The following FMN2 variants were observed in gnomAD, a reference collection of about 807,000 sequenced individuals.
The protein encoded by FMN2 is formin 2.
FMN2 carries 51 observed loss-of-function variants against 142.3 expected under a neutral mutation model. The ratio of observed to expected loss-of-function variants is 0.36; its 90% CI spans 0.29 to 0.45. The LOEUF (loss-of-function observed/expected upper bound fraction) is 0.45. Ranked by LOEUF, FMN2 falls within the 20% of genes least tolerant of loss-of-function variation. FMN2 has a pLI of 1.00. For missense variants in FMN2, 1,936 were observed against 2,122.8 expected (o/e 0.91, Z 1.73); for synonymous variants, 882 against 869.8 (o/e 1.01, Z -0.25).
At chr1:240,259,127 G>C (rs1392156142) in intron 7 of FMN2, among the ~76,000 whole-genome samples, 2 of 152,230 alleles carry the variant, frequency 1.3e-5, no homozygotes, top group African/African-American at 4.8e-5. Context: ...TGGGGTAATA[G>C]TCATAGAAGA....
rs190390417 is a variant in FMN2, at chr1:240,243,722, A to G, written c.4066-14223A>G. 5.9e-5 allele frequency among the ~76,000 whole-genome samples: 9 copies of G among 152,346 alleles called. No individual in the cohort carries two copies. In the East Asian group the frequency reaches 1.7e-3, roughly 29 times the overall value. ...GTATTCTACAGGTAGGAAAATTTAG[A>G]TCTTGAGGCCAAGGAGCTTGTCCAA... On this transcript the variant is annotated intron_variant, in intron 6 of 17. Transcript: ENST00000319653.
chr1:240,142,898 C>T lies in FMN2; in HGVS notation c.1782+19553C>T, dbSNP rs541090697. On this transcript the variant is annotated intron_variant, in intron 2 of 17. Coordinates refer to ENST00000319653, the MANE Select transcript of FMN2 (RefSeq NM_020066.5). ...GCAATGGCCTCAGCTCCTCATCAAA[C>T]GTAACCAGCATTCGGGGCCGCATGG... 90 of 1,605,510 alleles carry T rather than the reference C, an allele frequency of 5.6e-5. 1 individual carries two copies. In the Middle Eastern group the frequency reaches 8.2e-4, roughly 15 times the overall value.
chr1:240,116,827 T>G (rs1571942827), intron 1 of FMN2, among the ~76,000 whole-genome samples: 1 of 151,906 alleles, frequency 6.6e-6, no homozygotes, highest in Non-Finnish European at 1.5e-5. Context: ...ATCATGGGCA[T>G]GGAAATCAAA....
intron 4 of FMN2, among the ~76,000 whole-genome samples, chr1:240,205,557 G>C (rs972069099): frequency 6.1e-5 from 9 of 148,536 alleles, no homozygotes; most frequent in African/African-American, 2.3e-4. Flanking sequence ...CGCCTCCCAG[G>C]TTCATGCCAT....
chr1:240,110,514 T>G (rs908090497), intron 1 of FMN2, among the ~76,000 whole-genome samples: 2 of 152,220 alleles, frequency 1.3e-5, no homozygotes, highest in Non-Finnish European at 2.9e-5. Flanking sequence ...TTGCAACATT[T>G]GTTCTGATGG....
intron 2 of FMN2, among the ~76,000 whole-genome samples, chr1:240,167,792 A>T (rs1374914825): frequency 6.6e-6 from 1 of 152,186 alleles, no homozygotes; most frequent in Admixed American, 6.5e-5. Flanking sequence ...AATTTAGAAA[A>T]TAGGCTGGGC....
chr1:240,436,130 A>G (rs902680215), intron 15 of FMN2, among the ~76,000 whole-genome samples: 2 of 152,164 alleles, frequency 1.3e-5, no homozygotes, highest in Admixed American at 6.5e-5. Flanking sequence ...TGCCATCAAC[A>G]CATTCCGCCA....
chr1:240,151,822 A>G (rs1404529257), intron 2 of FMN2, among the ~76,000 whole-genome samples: 4 of 152,024 alleles, frequency 2.6e-5, no homozygotes, highest in Admixed American at 2.6e-4. Context: ...ACTGGAGTGC[A>G]ATGCTGCGAT....
In FMN2 at chr1:240,440,903, C is replaced by T. The variant is rs182001286; in HGVS notation, c.5060+2693C>T. On this transcript the variant is annotated intron_variant, in intron 16 of 17. Coordinates refer to ENST00000319653, the MANE Select transcript of FMN2 (RefSeq NM_020066.5). ...TAAAAATTATTTCAAGACAGCAAAG[C>T]ATTAAAGCAACCACAGAGCCCTTCT... 7.1e-4 allele frequency among the ~76,000 whole-genome samples: 106 copies of T among 148,482 alleles called. 1 individual carries two copies. The highest frequency in any genetic ancestry group is 2.6e-3 in the African/African-American group (100 of 38,270).
At chr1:240,328,242 A>G (rs935730022) in intron 8 of FMN2, among the ~76,000 whole-genome samples, 3 of 150,814 alleles carry the variant, frequency 2.0e-5, no homozygotes, top group African/African-American at 7.3e-5. Context: ...ATTTAATTAT[A>G]TTTTCCCCCA....
At position 240,195,605 on chromosome 1, in the gene FMN2, G is replaced by A. The variant is rs150913484; in HGVS notation, c.1986+7343G>A. On this transcript the variant is annotated intron_variant, in intron 4 of 17. Coordinates refer to ENST00000319653, the MANE Select transcript of FMN2 (RefSeq NM_020066.5). ...ACAAAAATGTGACCAGGGGCTTGCA[G>A]GAATCTAAACCTGTATTTTTTCTAG... Among the ~76,000 whole-genome samples, 322 of 152,280 alleles carry A rather than the reference G, an allele frequency of 2.1e-3. 1 individual carries two copies. Among genetic ancestry groups the A allele is most frequent in the African/African-American group, 7.7e-3 (318 of 41,558 alleles).
chr1:240,324,692 AGAGGGAGG>A (rs199636897), intron 8 of FMN2, among the ~76,000 whole-genome samples: 1 of 133,232 alleles, frequency 7.5e-6, no homozygotes, highest in African/African-American at 2.7e-5. Flanking sequence ...AGAGAGAGAG[AGAGGGAGG>A]GAGGGAGGGA....
intron 15 of FMN2, among the ~76,000 whole-genome samples, chr1:240,420,359 A>G (rs1467599981): frequency 1.3e-5 from 2 of 152,126 alleles, no homozygotes; most frequent in African/African-American, 2.4e-5. Context: ...TAAATTGGCT[A>G]TCACTCAGAA....
intron 1 of FMN2, among the ~76,000 whole-genome samples, chr1:240,101,182 C>A (rs1350904364): frequency 6.6e-6 from 1 of 152,170 alleles, no homozygotes; most frequent in Non-Finnish European, 1.5e-5. Context: ...ACCCTGGCTT[C>A]CCAGATTGGA....
Position 240,207,546 on chromosome 1 carries a change from C to G in FMN2, c.2734C>G (p.Pro912Ala), listed in dbSNP as rs186784023. 8.7e-5 allele frequency: 140 copies of G among 1,612,850 alleles called. No individual in the cohort carries two copies. The highest frequency in any genetic ancestry group is 9.9e-5 in the Non-Finnish European group (117 of 1,179,744). The stretch of plus-strand genomic sequence containing the variant: ...GGGTACAGAAATGCTGCCACCCCCT[C>G]CCCCTCCTCTTCCCGGAGCGGGCAT... ...LQGTEMLPPPPPPLPGAGIPP... is the reference protein window; with the variant it reads ...LQGTEMLPPPAPPLPGAGIPP... Residue 912 changes from proline to alanine, a missense_variant, in exon 5 of 18, where the codon CCC becomes GCC. Around this residue, in one of 8 missense-constraint regions of FMN2, gnomAD observed 478 missense variants for 462.8 expected, o/e 1.03. Transcript: ENST00000319653.
At chr1:240,307,173 T>C (rs947716405) in intron 8 of FMN2, among the ~76,000 whole-genome samples, 3 of 152,206 alleles carry the variant, frequency 2.0e-5, no homozygotes, top group African/African-American at 7.2e-5. Context: ...AGTTTGCAAA[T>C]ATTTTCTCCC....
chr1:240,185,119 C>G (rs56349225), intron 3 of FMN2, among the ~76,000 whole-genome samples: 48 of 17,302 alleles, frequency 2.8e-3, no homozygotes, highest in Admixed American at 5.0e-3. Flanking sequence ...CCTATACCTT[C>G]CCCCTTCTCT....
At chr1:240,228,307 AAAAAAAAAAAAAAAAAAAAAAAAAAG>A (rs912747673) in intron 6 of FMN2, among the ~76,000 whole-genome samples, 3 of 60,422 alleles carry the variant, frequency 5.0e-5, no homozygotes, top group Non-Finnish European at 8.9e-5. Context: ...CTGTCTCAAA[AAAAAAAAAAAAAAAAAAAAAAAAAAG>A]AAAAAGAAAA....
rs57841541 is a variant in FMN2 at position 240,105,100 on chromosome 1, CTTTTTTTTTTTTTTT to C, written c.1615+11388_1615+11402del. Among the ~76,000 whole-genome samples the C allele has an allele frequency of 9.6e-4, 70 of 73,020 alleles. 1 individual carries two copies. The highest frequency in any genetic ancestry group is 1.3e-3 in the Non-Finnish European group (49 of 38,930). The allele number at this position is 73,020 out of a possible 152,430, so 47.9% of individuals were successfully genotyped here. A position where few individuals can be genotyped will look rare whatever the true frequency, so the allele number is the denominator to read the frequency against. On this transcript the variant is annotated intron_variant, in intron 1 of 17. Coordinates refer to ENST00000319653, the MANE Select transcript of FMN2 (RefSeq NM_020066.5). Reference sequence around the variant, plus strand: ...CAGAATGCTTTCCTAGTTTATGCTTCTTTTTTTTTTTTTTTTTTTTTTTTTTGAGACCGAGTCTCA... The same window carrying C: ...CAGAATGCTTTCCTAGTTTATGCTTCTTTTTTTTTTTGAGACCGAGTCTCA...
Sources: gnomAD v4.1 joint callset for allele counts (sites outside exome capture counted in the v4.1 genomes callset) on GRCh38, gnomAD v4.1.1 for gene constraint, gnomAD v4.1.1 regional missense constraint, MANE v1.5 for transcripts, NCBI Gene and HGNC (gene_info 2026-07-23, HGNC 2026-07-21) for gene names.